The following CNBD1 variants were observed in gnomAD, a reference collection of about 807,000 sequenced individuals.
The protein encoded by CNBD1 is cyclic nucleotide binding domain containing 1.
A neutral mutation model predicts 54.4 loss-of-function variants in CNBD1; 71 were observed. The observed-to-expected ratio is 1.30, with a 90% confidence interval of 1.08 to 1.59. The LOEUF (loss-of-function observed/expected upper bound fraction) is 1.59. CNBD1 is among the 40% of genes most tolerant of loss of function. The probability of loss-of-function intolerance (pLI) is 0.00; values close to 1 mark genes in which losing one functional copy is unlikely to be tolerated. For synonymous variants in CNBD1, 182 were observed against 170.7 expected (o/e 1.07, Z -0.51); for missense variants, 659 against 518.0 (o/e 1.27, Z -2.64).
At chr8:87,233,271 C>T (rs1807490174) in intron 5 of CNBD1, among the ~76,000 whole-genome samples, 1 of 152,144 alleles carries the variant, frequency 6.6e-6, no homozygotes, top group South Asian at 2.1e-4. Context: ...CTTCTCCTGC[C>T]TTCTAGACTA....
chr8:87,371,784 A>T (rs1470866086), intron 10 of CNBD1, among the ~76,000 whole-genome samples: 1 of 152,120 alleles, frequency 6.6e-6, no homozygotes, highest in Admixed American at 6.6e-5. Flanking sequence ...ACAAAATTCA[A>T]CAACCCTTCA....
intron 4 of CNBD1, among the ~76,000 whole-genome samples, chr8:87,006,928 G>T (rs899168746): frequency 6.6e-6 from 1 of 152,172 alleles, no homozygotes; most frequent in South Asian, 2.1e-4. Flanking sequence ...CGGGTGCCGC[G>T]GCTCACGCCT....
At chr8:87,269,305 G>A (rs556040712) in intron 6 of CNBD1, among the ~76,000 whole-genome samples, 4 of 152,142 alleles carry the variant, frequency 2.6e-5, no homozygotes, top group African/African-American at 7.2e-5. Context: ...CTAGTACTAT[G>A]CTGTTTTGGT....
At chr8:86,929,648 A>T (rs1809423334) in intron 3 of CNBD1, among the ~76,000 whole-genome samples, 1 of 152,122 alleles carries the variant, frequency 6.6e-6, no homozygotes, top group Non-Finnish European at 1.5e-5. Flanking sequence ...CACACATGCG[A>T]ATTTGAAGCA....
chr8:86,921,177 T>C (rs1465923178), intron 3 of CNBD1, among the ~76,000 whole-genome samples: 1 of 152,200 alleles, frequency 6.6e-6, no homozygotes, highest in Non-Finnish European at 1.5e-5. Flanking sequence ...GTGTACTTAT[T>C]TCATGCTAGT....
At chr8:86,962,907 G>T (rs1416148977) in intron 4 of CNBD1, among the ~76,000 whole-genome samples, 4 of 152,116 alleles carry the variant, frequency 2.6e-5, no homozygotes, top group Non-Finnish European at 4.4e-5. Context: ...GGAGTGCTTT[G>T]ACCCTGGAGT....
intron 4 of CNBD1, among the ~76,000 whole-genome samples, chr8:87,025,506 G>GTT (rs1375429497): frequency 6.6e-6 from 1 of 152,128 alleles, no homozygotes; most frequent in Admixed American, 6.5e-5. Flanking sequence ...TTTAAGAGCT[G>GTT]TAACACTCAC....
chr8:86,977,807 A>G (rs1204952441), intron 4 of CNBD1, among the ~76,000 whole-genome samples: 1 of 152,116 alleles, frequency 6.6e-6, no homozygotes, highest in Non-Finnish European at 1.5e-5. Flanking sequence ...TTTACCAAAC[A>G]TTTGAAGAAC....
intron 4 of CNBD1, among the ~76,000 whole-genome samples, chr8:86,943,684 GC>G (rs1205796119): frequency 6.6e-6 from 1 of 151,884 alleles, no homozygotes; most frequent in Non-Finnish European, 1.5e-5. Flanking sequence ...GAGTTGGGAG[GC>G]CCCTTTTTAA....
intron 10 of CNBD1, among the ~76,000 whole-genome samples, chr8:87,375,145 A>G (rs761872484): frequency 2.0e-5 from 3 of 151,910 alleles, no homozygotes; most frequent in Non-Finnish European, 4.4e-5. Flanking sequence ...AAGTTTTAGT[A>G]TGGTTTTGAA....
At chr8:87,122,959 G>A (rs1811919716) in intron 4 of CNBD1, among the ~76,000 whole-genome samples, 2 of 151,714 alleles carry the variant, frequency 1.3e-5, no homozygotes, top group Admixed American at 6.6e-5. Context: ...TTTGTAATTT[G>A]TTTTCAAATC....
intron 4 of CNBD1, among the ~76,000 whole-genome samples, chr8:87,116,005 A>G (rs996714039): frequency 2.6e-5 from 4 of 151,886 alleles, no homozygotes; most frequent in African/African-American, 7.3e-5. Flanking sequence ...TGAATCCACT[A>G]TCTCTTCCCT....
chr8:86,893,403 G>T (rs1218944714), intron 2 of CNBD1, among the ~76,000 whole-genome samples: 1 of 152,106 alleles, frequency 6.6e-6, no homozygotes, highest in Non-Finnish European at 1.5e-5. Flanking sequence ...GTAAAATCTT[G>T]CACACTGTCC....
At chr8:87,087,384 A>G (rs1811121580) in intron 4 of CNBD1, among the ~76,000 whole-genome samples, 1 of 150,446 alleles carries the variant, frequency 6.6e-6, no homozygotes, top group African/African-American at 2.4e-5. Context: ...TTTAAAAACT[A>G]GAGCAAAATA....
chr8:87,303,288 G>C (rs1453000668), intron 8 of CNBD1, among the ~76,000 whole-genome samples: 6 of 151,822 alleles, frequency 4.0e-5, no homozygotes, highest in African/African-American at 1.5e-4. Flanking sequence ...CCAAAACAGA[G>C]ATATAGACCA....
At chr8:87,410,665 T>C (rs960219259) in intron 2 of CNBD1, among the ~76,000 whole-genome samples, 5 of 152,142 alleles carry the variant, frequency 3.3e-5, no homozygotes, top group African/African-American at 4.8e-5. Context: ...TTTGGGAGGA[T>C]TGACTGCAGT....
chr8:87,329,067 A>T (rs1013432345), intron 8 of CNBD1, among the ~76,000 whole-genome samples: 3 of 150,610 alleles, frequency 2.0e-5, no homozygotes, highest in African/African-American at 7.3e-5. Flanking sequence ...TTTTAAATTT[A>T]GGTCTGTTAT....
chr8:87,397,832 T>G (rs1409342090), intron 2 of CNBD1, among the ~76,000 whole-genome samples: 1 of 152,014 alleles, frequency 6.6e-6, no homozygotes, highest in Non-Finnish European at 1.5e-5. Flanking sequence ...GGGGCAGGTC[T>G]TTCCCATGTT....
chr8:87,165,932 A>G (rs1812952983), intron 4 of CNBD1, among the ~76,000 whole-genome samples: 1 of 151,940 alleles, frequency 6.6e-6, no homozygotes, highest in South Asian at 2.1e-4. Flanking sequence ...TAAAATTTCA[A>G]AGTCAGAGGA....
Sources: allele counts gnomAD v4.1 joint callset (sites outside exome capture counted in the v4.1 genomes callset), GRCh38; gene constraint gnomAD v4.1.1; transcripts MANE v1.5; gene names NCBI Gene and HGNC (gene_info 2026-07-23, HGNC 2026-07-21).